IBTK: variants seen among roughly 807,000 people sequenced by gnomAD.
IBTK encodes the protein BTK-binding protein.
A neutral mutation model predicts 154.9 loss-of-function variants in IBTK; 83 were observed. The ratio of observed to expected loss-of-function variants is 0.54; its 90% CI spans 0.45 to 0.64. The LOEUF (loss-of-function observed/expected upper bound fraction) is 0.64. Ranked by LOEUF, IBTK falls within the 30% of genes least tolerant of loss-of-function variation. The pLI is 0.00. For synonymous variants in IBTK, 515 were observed against 536.1 expected, an observed-to-expected ratio of 0.96 and a Z score of 0.54; for missense variants, 1,332 against 1,584.6, an observed-to-expected ratio of 0.84 and a Z score of 2.71.
At chr6:82,185,394 C>A (rs1434096275) in intron 25 of IBTK, among the ~76,000 whole-genome samples, 2 of 150,528 alleles carry the variant, frequency 1.3e-5, no homozygotes, top group Admixed American at 1.3e-4. Context: ...ATCTCTACAA[C>A]AAATAAAAAA....
At chr6:82,245,998 T>A (rs1771129824) in intron 1 of IBTK, among the ~76,000 whole-genome samples, 1 of 152,182 alleles carries the variant, frequency 6.6e-6, no homozygotes. Context: ...GTGCTCTACA[T>A]AAATATAATC....
intron 9 of IBTK, among the ~76,000 whole-genome samples, chr6:82,219,483 CTG>C (rs1454955645): frequency 6.6e-6 from 1 of 151,968 alleles, no homozygotes; most frequent in African/African-American, 2.4e-5. Context: ...TCTACCCATA[CTG>C]TGTGTTTTTC....
At chr6:82,197,969 C>T (rs1048535143) in intron 21 of IBTK, among the ~76,000 whole-genome samples, 3 of 152,136 alleles carry the variant, frequency 2.0e-5, no homozygotes, top group African/African-American at 7.2e-5. Context: ...TTATCTTTGA[C>T]TACAGATATC....
chr6:82,172,634 G>T, intron 27 of IBTK, 122 bp from the exon 28 acceptor site: 1 of 761,422 alleles, frequency 1.3e-6, no homozygotes, highest in South Asian at 2.4e-5. Context: ...AACGAACCTG[G>T]AAGCTTTCAC....
rs139401540 is a variant in IBTK at position 82,210,856 on chromosome 6, T to C, written c.2467A>G (p.Ile823Val). The C allele has an allele frequency of 9.1e-4, 1,435 of 1,579,586 alleles. 2 individuals are homozygous for C. The highest frequency in any genetic ancestry group is 1.2e-3 in the Non-Finnish European group (1,386 of 1,163,780). The part of the protein sequence containing the change: ...MPIHSDILKV[I>V]LDYLYTDEAV... ...TCATCAGTATAGAGGTAGTCCAAAA[T>C]AACTTTTAATATATCAGAATGTATT... is the stretch of plus-strand genomic sequence containing the variant. Residue 823 changes from isoleucine to valine, a missense_variant, in exon 16 of 29, where the codon ATT (isoleucine) becomes GTT (valine). Physicochemically the swap from Ile to Val is conservative, Grantham distance 29 (BLOSUM62 3). This residue lies in a region of IBTK where 1,134 missense variants were observed against 1,274.7 expected (regional missense o/e 0.89). Coordinates refer to ENST00000306270, the MANE Select transcript of IBTK (RefSeq NM_015525.4).
chr6:82,201,617 C>T, intron 18 of IBTK, 135 bp from the exon 19 acceptor site: 3 of 504,696 alleles, frequency 5.9e-6, no homozygotes, highest in South Asian at 8.0e-5. Flanking sequence ...ATAGCAGTTG[C>T]TACAAATTCC....
At chr6:82,216,457 G>A (rs1769878032) in intron 10 of IBTK, among the ~76,000 whole-genome samples, 1 of 152,078 alleles carries the variant, frequency 6.6e-6, no homozygotes. Context: ...TTGGTGGATG[G>A]ATTCTCAATT....
At chr6:82,205,192 A>G (rs1277204390) in intron 16 of IBTK, 5 of 288,036 alleles carry the variant, frequency 1.7e-5, no homozygotes, top group Non-Finnish European at 2.5e-5. Flanking sequence ...AAGCTGACAA[A>G]ATTACACCAA....
chr6:82,180,380 GACT>G (rs1312864380), intron 26 of IBTK, among the ~76,000 whole-genome samples: 5 of 151,906 alleles, frequency 3.3e-5, no homozygotes, highest in African/African-American at 1.2e-4. Context: ...GAATAGCTGG[GACT>G]ACGTGCACAT....
intron 8 of IBTK, 104 bp from the exon 9 acceptor site, chr6:82,220,817 T>C (rs893304431): frequency 1.1e-6 from 1 of 940,012 alleles, no homozygotes; most frequent in African/African-American, 1.7e-5. Flanking sequence ...AGGCAATTAT[T>C]GTGAAGGTGA....
chr6:82,203,271 T>C (rs568973638), intron 17 of IBTK, among the ~76,000 whole-genome samples: 1 of 152,158 alleles, frequency 6.6e-6, no homozygotes, highest in Non-Finnish European at 1.5e-5. Context: ...TAACATTATA[T>C]ATAAAGTACC....
At chr6:82,222,133 G>GT (rs1770122541) in intron 8 of IBTK, among the ~76,000 whole-genome samples, 1 of 146,800 alleles carries the variant, frequency 6.8e-6, no homozygotes, top group Non-Finnish European at 1.5e-5. Context: ...TCACATCACT[G>GT]TACTTCAGCC....
At chr6:82,183,720 C>T (rs758954560) in intron 25 of IBTK, among the ~76,000 whole-genome samples, 2 of 152,100 alleles carry the variant, frequency 1.3e-5, no homozygotes, top group African/African-American at 2.4e-5. Context: ...TTATGGTAAT[C>T]AGGATAGTAT....
At chr6:82,182,575 C>T (rs769807851) in intron 25 of IBTK, among the ~76,000 whole-genome samples, 3 of 151,800 alleles carry the variant, frequency 2.0e-5, no homozygotes, top group East Asian at 1.9e-4. Context: ...AAGAGAGATA[C>T]GGCAGAGAAA....
chr6:82,197,373 A>ATTT (rs11422131), intron 21 of IBTK, among the ~76,000 whole-genome samples: 7 of 138,402 alleles, frequency 5.1e-5, no homozygotes, highest in African/African-American at 5.4e-5. Flanking sequence ...ATCTTTTTGA[A>ATTT]TTTTTTTTTT....
chr6:82,183,706 C>T (rs1768403687), intron 25 of IBTK, among the ~76,000 whole-genome samples: 1 of 152,034 alleles, frequency 6.6e-6, no homozygotes, highest in South Asian at 2.1e-4. Context: ...GAAGACAAAA[C>T]CAATTATGGT....
intron 6 of IBTK, 74 bp downstream of exon 6, chr6:82,225,400 CAAT>C: frequency 9.0e-7 from 1 of 1,112,388 alleles, no homozygotes; most frequent in Non-Finnish European, 1.3e-6. Flanking sequence ...GTTGCTCTGT[CAAT>C]AACTTACATT....
intron 2 of IBTK, among the ~76,000 whole-genome samples, chr6:82,239,076 C>A (rs1770843552): frequency 6.6e-6 from 1 of 151,842 alleles, no homozygotes; most frequent in Non-Finnish European, 1.5e-5. Context: ...CGTATGTTAA[C>A]TAAACAAGAA....
chr6:82,204,445 G>A (rs1769321944), intron 17 of IBTK, among the ~76,000 whole-genome samples: 1 of 152,092 alleles, frequency 6.6e-6, no homozygotes, highest in South Asian at 2.1e-4. Flanking sequence ...GATGTGCTTT[G>A]TTCAGATATA....
Sources: allele counts gnomAD v4.1 joint callset (sites outside exome capture counted in the v4.1 genomes callset), GRCh38; gene constraint gnomAD v4.1.1; regional missense constraint gnomAD v4.1.1; transcripts MANE v1.5; gene names NCBI Gene and HGNC (gene_info 2026-07-23, HGNC 2026-07-21).